The following DENND2B variants were observed in gnomAD, a reference collection of about 807,000 sequenced individuals.
DENND2B encodes the protein DENN domain-containing protein 2B.
In DENND2B, 32 loss-of-function variants were observed where a neutral mutation model predicts 116.0. That is an observed-to-expected ratio of 0.28 (90% CI 0.21 to 0.37). The LOEUF (loss-of-function observed/expected upper bound fraction) is 0.37. DENND2B is among the 10% of genes least tolerant of loss of function. The pLI is 1.00. For synonymous variants in DENND2B, 588 were observed against 583.9 expected, an observed-to-expected ratio of 1.01 and a Z score of -0.10; for missense variants, 1,276 against 1,477.7, an observed-to-expected ratio of 0.86 and a Z score of 2.24.
chr11:8,860,812 C>T (rs2063365573), intron 2 of DENND2B, among the ~76,000 whole-genome samples: 1 of 152,102 alleles, frequency 6.6e-6, no homozygotes, highest in South Asian at 2.1e-4. Flanking sequence ...AGTAACAAAA[C>T]AGCAATGGTA....
At chr11:8,766,793 C>T (rs1005032912) in intron 1 of DENND2B, 1 of 726,552 alleles carries the variant, frequency 1.4e-6, no homozygotes, top group South Asian at 1.5e-5. Context: ...GGTGGGGGTG[C>T]TGGGTTGGAG....
At chr11:8,871,180 T>G (rs1408669225) in intron 1 of DENND2B, 2 of 137,242 alleles carry the variant, frequency 1.5e-5, no homozygotes, top group Admixed American at 1.6e-4. Context: ...GGTGGGCTGC[T>G]GGAGCCCGGC....
intron 1 of DENND2B, among the ~76,000 whole-genome samples, chr11:8,804,582 T>C (rs2060666505): frequency 7.3e-6 from 1 of 136,786 alleles, no homozygotes; most frequent in East Asian, 2.2e-4. Context: ...TCTTGCTCTG[T>C]CGCCCAGGCT....
intron 1 of DENND2B, among the ~76,000 whole-genome samples, chr11:8,889,721 G>C (rs2064004419): frequency 1.3e-5 from 2 of 152,226 alleles, no homozygotes; most frequent in African/African-American, 2.4e-5. Context: ...GCTGAGGCTT[G>C]AGTAGGTAAA....
At chr11:8,772,465 GAATTA>G (rs1015463149) in intron 1 of DENND2B, among the ~76,000 whole-genome samples, 2 of 152,020 alleles carry the variant, frequency 1.3e-5, no homozygotes, top group African/African-American at 4.8e-5. Flanking sequence ...TGTCAAAATT[GAATTA>G]AATTGTAAGA....
intron 14 of DENND2B, chr11:8,700,140 G>A (rs2041276435): frequency 2.6e-6 from 1 of 384,766 alleles, no homozygotes; most frequent in Admixed American, 3.1e-5. Context: ...GAAACCTCAT[G>A]GTCCAGGCTC....
intron 2 of DENND2B, among the ~76,000 whole-genome samples, chr11:8,742,323 T>C (rs1437308901): frequency 1.3e-5 from 2 of 152,176 alleles, no homozygotes; most frequent in African/African-American, 2.4e-5. Context: ...TTTTATGCCA[T>C]TAAATTTTTT....
chr11:8,710,469 A>G (rs1245886618), intron 11 of DENND2B, among the ~76,000 whole-genome samples: 1 of 151,938 alleles, frequency 6.6e-6, no homozygotes. Flanking sequence ...GCATATACAC[A>G]TACTGCTGGG....
At chr11:8,887,085 C>A (rs1371821304) in intron 1 of DENND2B, among the ~76,000 whole-genome samples, 2 of 152,172 alleles carry the variant, frequency 1.3e-5, no homozygotes, top group African/African-American at 4.8e-5. Context: ...ACCTCGGCCT[C>A]CCAAAGTGCT....
At position 8,707,078 on chromosome 11, in the gene DENND2B, T is replaced by C. The variant is rs371074222; in HGVS notation, c.2571+7A>G. On this transcript the variant is annotated splice_region_variant and intron_variant, in intron 13 of 19. Transcript: ENST00000313726. This position sits in a 1 kb window ranked among gnomAD's most constrained non-coding sequence, Gnocchi z 4.8. ...AGCCCGAGAGAAGAGGGTGCAGAAA[T>C]CCCTACCTCATTGCCAGCACCTGGC... The C allele has an allele frequency of 1.1e-4, 173 of 1,611,140 alleles. No individual in the cohort carries two copies. In the African/African-American group the frequency reaches 2.1e-3, roughly 20 times the overall value.
chr11:8,699,514 G>C, intron 14 of DENND2B, 124 bp from the exon 15 acceptor site: 1 of 963,506 alleles, frequency 1.0e-6, no homozygotes, highest in Non-Finnish European at 1.5e-6. Flanking sequence ...ATGGGGTTCA[G>C]GGACCCTGCA....
chr11:8,830,228 C>T (rs2062149781), intron 4 of DENND2B, among the ~76,000 whole-genome samples: 1 of 152,176 alleles, frequency 6.6e-6, no homozygotes, highest in Admixed American at 6.5e-5. Context: ...TGCTCTGCCA[C>T]ACCTACCCCT....
At chr11:8,877,208 A>G (rs2063853184) in intron 2 of DENND2B, among the ~76,000 whole-genome samples, 1 of 140,202 alleles carries the variant, frequency 7.1e-6, no homozygotes, top group South Asian at 2.3e-4. Context: ...GGTTCATGCC[A>G]TTCTCCTGCC....
rs1565683060 is a variant in DENND2B at position 8,712,911 on chromosome 11, C to T, written c.1988-176G>A. 6.6e-6 allele frequency among the ~76,000 whole-genome samples: 1 copy of T among 152,192 alleles called. No homozygotes were observed. Among genetic ancestry groups the T allele is most frequent in the African/African-American group, 2.4e-5 (1 of 41,434 alleles). The stretch of plus-strand genomic sequence containing the variant: ...CAGGCACAAGGTGCTGACCCCTGCA[C>T]AAAGACTCTGCCCTGACACAGGAAG... On this transcript the variant is annotated intron_variant, in intron 8 of 19. Coordinates refer to ENST00000313726, the MANE Select transcript of DENND2B (RefSeq NM_213618.2). This position sits in a 1 kb window ranked among gnomAD's most constrained non-coding sequence, Gnocchi z 4.4.
At chr11:8,852,404 G>T (rs959342668) in intron 3 of DENND2B, among the ~76,000 whole-genome samples, 8 of 152,214 alleles carry the variant, frequency 5.3e-5, no homozygotes, top group African/African-American at 1.9e-4. Context: ...CCAAGGCACA[G>T]GAAGATGGCT....
intron 1 of DENND2B, among the ~76,000 whole-genome samples, chr11:8,794,458 G>A (rs1022410404): frequency 2.0e-5 from 3 of 152,216 alleles, no homozygotes; most frequent in Non-Finnish European, 2.9e-5. Context: ...CTCAGGCTAT[G>A]TATGGGTAGC....
Position 8,693,474 on chromosome 11 carries a change from T to A in DENND2B, c.*622A>T, listed in dbSNP as rs995243828. The A allele has an allele frequency of 1.3e-5, 2 of 152,468 alleles. No individual in the cohort carries two copies. Among genetic ancestry groups the A allele is most frequent in the Admixed American group, 6.6e-5 (1 of 15,248 alleles). The allele number at this position is 152,468 out of a possible 1,614,324, so 9.4% of individuals were successfully genotyped here. On this transcript the variant is annotated 3_prime_UTR_variant, in exon 20 of 20. Coordinates refer to ENST00000313726, the MANE Select transcript of DENND2B (RefSeq NM_213618.2). ...CAGGCCCAGAGAGCACTGGCAGAGC[T>A]GGGGGTGGGCTTCCCATGACACACT...
intron 1 of DENND2B, chr11:8,756,940 A>C: frequency 2.3e-6 from 1 of 428,636 alleles, no homozygotes; most frequent in Non-Finnish European, 4.7e-6. Context: ...AAATTGTTCA[A>C]TTAGCATATA....
chr11:8,738,072 A>G (rs2049423700), intron 2 of DENND2B, among the ~76,000 whole-genome samples: 1 of 152,218 alleles, frequency 6.6e-6, no homozygotes, highest in South Asian at 2.1e-4. Flanking sequence ...GGAATGATCC[A>G]GTAGAGAGGG....
Sources: gnomAD v4.1 joint callset for allele counts (sites outside exome capture counted in the v4.1 genomes callset) on GRCh38, gnomAD v4.1.1 for gene constraint, Gnocchi (gnomAD v3.1) non-coding constraint, MANE v1.5 for transcripts, NCBI Gene and HGNC (gene_info 2026-07-23, HGNC 2026-07-21) for gene names.